AGAP1: variants seen among roughly 807,000 people sequenced by gnomAD.
AGAP1 encodes the protein arf-GAP with GTPase, ANK repeat and PH domain-containing protein 1.
In AGAP1, 29 loss-of-function variants were observed where a neutral mutation model predicts 105.3. That is an observed-to-expected ratio of 0.28 (90% confidence interval 0.21 to 0.38). The LOEUF is 0.38. Among genes scored for constraint, AGAP1 ranks in the 10% least tolerant of loss-of-function variants. The pLI is 1.00. For missense variants in AGAP1, 998 were observed against 1,165.1 expected (o/e 0.86, Z 2.09); for synonymous variants, 509 against 485.9 (o/e 1.05, Z -0.63).
intron 12 of AGAP1, among the ~76,000 whole-genome samples, chr2:235,943,013 C>A (rs1413866420): frequency 6.6e-6 from 1 of 152,138 alleles, no homozygotes; most frequent in Non-Finnish European, 1.5e-5. Flanking sequence ...GAAGATTTGT[C>A]AAATATATGT....
rs375110513 is a variant in AGAP1, at chr2:235,867,572, T to TGTGTGTGTGTGTGTGC, written c.1051-15770_1051-15769insTGTGTGTGTGTGCGTG. ...GTGTGTGTGTGTGTGTGTGTGTGTG[T>TGTGTGTGTGTGTGTGC]GTGCAAGTGAGGGAGGGTGACCCCC... On this transcript the variant is annotated intron_variant, in intron 9 of 17. Transcript: ENST00000304032. This position sits in a 1 kb window ranked among gnomAD's most constrained non-coding sequence, Gnocchi z 5.4. 8.4e-3 allele frequency among the ~76,000 whole-genome samples: 1,254 copies of TGTGTGTGTGTGTGTGC among 148,414 alleles called. 26 individuals carry two copies. Among genetic ancestry groups the TGTGTGTGTGTGTGTGC allele is most frequent in the Admixed American group, 0.022 (321 of 14,676 alleles).
rs2054162212 is a variant in AGAP1 at position 235,961,010 on chromosome 2, G to T, written c.1484-7452G>T. 6.6e-6 allele frequency among the ~76,000 whole-genome samples: 1 copy of T among 152,224 alleles called. No individual in the cohort carries two copies. Among genetic ancestry groups the T allele is most frequent in the Non-Finnish European group, 1.5e-5 (1 of 68,040 alleles). On this transcript the variant is annotated intron_variant, in intron 12 of 17. Coordinates refer to ENST00000304032, the MANE Select transcript of AGAP1 (RefSeq NM_001037131.3). This position sits in a 1 kb window ranked among gnomAD's most constrained non-coding sequence, Gnocchi z 5.9. ...GCAAGTGTCTGTCACACAGAGGTTAGTTCTTTCATAAAACTTTATTACGTA... is the reference window on the plus strand; with the variant it reads ...GCAAGTGTCTGTCACACAGAGGTTATTTCTTTCATAAAACTTTATTACGTA...
intron 13 of AGAP1, among the ~76,000 whole-genome samples, chr2:236,019,818 T>C (rs1450318242): frequency 6.6e-6 from 1 of 152,226 alleles, no homozygotes; most frequent in Non-Finnish European, 1.5e-5. Flanking sequence ...TGTGACCCAT[T>C]GTGTTGTGTG....
intron 10 of AGAP1, among the ~76,000 whole-genome samples, chr2:235,885,161 C>T (rs957344899): frequency 3.3e-5 from 5 of 152,162 alleles, no homozygotes; most frequent in Admixed American, 2.0e-4. Context: ...TGCATACTCC[C>T]GGCTATTTCT....
rs1017078319 is a variant in AGAP1 at position 235,852,906 on chromosome 2, C to T, written c.1051-30439C>T. 1.6e-5 allele frequency: 21 copies of T among 1,324,098 alleles called. No homozygotes were observed. In the South Asian group the frequency reaches 4.6e-4, roughly 29 times the overall value. The allele number at this position is 1,324,098 out of a possible 1,614,324, so 82.0% of individuals were successfully genotyped here. A position where few individuals can be genotyped will look rare whatever the true frequency, so the allele number is the denominator to read the frequency against. ...CCAGATCGGCCGATAGCTTGCAGGCCGCTGCTGTTTGTCCTGACTTCAGCG... is the reference window on the plus strand; with the variant it reads ...CCAGATCGGCCGATAGCTTGCAGGCTGCTGCTGTTTGTCCTGACTTCAGCG... On this transcript the variant is annotated intron_variant, in intron 9 of 17. Transcript: ENST00000304032.
chr2:235,937,748 G>A (rs1397832033), intron 12 of AGAP1, among the ~76,000 whole-genome samples: 2 of 152,162 alleles, frequency 1.3e-5, no homozygotes, highest in African/African-American at 4.8e-5. Flanking sequence ...GGCATTTTTG[G>A]TTGTCACATA....
intron 1 of AGAP1, among the ~76,000 whole-genome samples, chr2:235,575,059 G>A (rs1161914538): frequency 6.6e-6 from 1 of 152,080 alleles, no homozygotes; most frequent in Non-Finnish European, 1.5e-5. Context: ...GGAAGTTGAG[G>A]GTGCAGTGAG....
rs71039711 is a variant in AGAP1, at chr2:236,105,550, CTTTT to C, written c.2115-14622_2115-14619del. Among the ~76,000 whole-genome samples the C allele has an allele frequency of 1.7e-4, 14 of 81,316 alleles. No homozygotes were observed. Among genetic ancestry groups the C allele is most frequent in the Admixed American group, 1.5e-3 (12 of 8,138 alleles). 53.3% of individuals were successfully genotyped at this position (81,316 alleles called of 152,430 possible). A position where few individuals can be genotyped will look rare whatever the true frequency, so the allele number is the denominator to read the frequency against. On this transcript the variant is annotated intron_variant, in intron 16 of 17. Coordinates refer to ENST00000304032, the MANE Select transcript of AGAP1 (RefSeq NM_001037131.3). This position sits in a 1 kb window ranked among gnomAD's most constrained non-coding sequence, Gnocchi z 4.2. ...GAGAGGAGAGGGGCATCTCTCGTGT[CTTTT>C]TTTTTTTTTTTTTTTTTTTGAGACA...
At chr2:235,500,793 C>T (rs1195894860) in intron 1 of AGAP1, among the ~76,000 whole-genome samples, 1 of 152,120 alleles carries the variant, frequency 6.6e-6, no homozygotes, top group Non-Finnish European at 1.5e-5. Context: ...GCACCGGGTT[C>T]AAGAGACTGG....
At chr2:236,024,417 C>T (rs1265419991) in intron 13 of AGAP1, among the ~76,000 whole-genome samples, 1 of 152,102 alleles carries the variant, frequency 6.6e-6, no homozygotes. Context: ...GAGCACAGTG[C>T]AGTTGTCCTT....
chr2:235,978,252 T>C (rs2054941455), intron 13 of AGAP1, among the ~76,000 whole-genome samples: 1 of 152,162 alleles, frequency 6.6e-6, no homozygotes, highest in East Asian at 1.9e-4. Context: ...TACTTTCTAT[T>C]CCTGGCTGTG....
Position 236,009,904 on chromosome 2 carries a change from G to A in AGAP1, c.1646-26657G>A, listed in dbSNP as rs963685366. On this transcript the variant is annotated intron_variant, in intron 13 of 17. Coordinates refer to ENST00000304032, the MANE Select transcript of AGAP1 (RefSeq NM_001037131.3). This position sits in a 1 kb window ranked among gnomAD's most constrained non-coding sequence, Gnocchi z 4.2. ...TGATCAACAAAGAGTGTTGTCAGGA[G>A]GAGACCAGAGGTGACATTAATAAGC... Among the ~76,000 whole-genome samples, 1 of 152,122 alleles carries A rather than the reference G, an allele frequency of 6.6e-6. No individual in the cohort carries two copies. The highest frequency in any genetic ancestry group is 1.5e-5 in the Non-Finnish European group (1 of 68,024).
rs1372354688 is a variant in AGAP1, at chr2:235,973,414, A to G, written c.1645+4791A>G. Reference sequence around the variant, plus strand: ...GATTACCAGGAGATGTGTGGATGACAGAGCCCGTCGCTAGGCTCTTATGTC... The same window carrying G: ...GATTACCAGGAGATGTGTGGATGACGGAGCCCGTCGCTAGGCTCTTATGTC... On this transcript the variant is annotated intron_variant, in intron 13 of 17. Coordinates refer to ENST00000304032, the MANE Select transcript of AGAP1 (RefSeq NM_001037131.3). The surrounding 1 kb of genome is among the most constrained non-coding windows in gnomAD (Gnocchi z 4.7). Among the ~76,000 whole-genome samples the G allele has an allele frequency of 2.0e-5, 3 of 152,214 alleles. No individual in the cohort carries two copies. The highest frequency in any genetic ancestry group is 2.9e-5 in the Non-Finnish European group (2 of 68,036).
At chr2:235,873,269 A>G (rs965538317) in intron 9 of AGAP1, among the ~76,000 whole-genome samples, 2 of 152,250 alleles carry the variant, frequency 1.3e-5, no homozygotes, top group Non-Finnish European at 2.9e-5. Context: ...CAAGAAAGAA[A>G]AAGCATGTTT....
Position 235,495,097 on chromosome 2 carries a change from C to T in AGAP1, c.163+248C>T, listed in dbSNP as rs878946701. Among the ~76,000 whole-genome samples the T allele has an allele frequency of 4.6e-5, 7 of 152,290 alleles. No homozygotes were observed. The East Asian group carries it at 5.9e-4, about 13-fold the overall frequency. Reference sequence around the variant, plus strand: ...TTTGATCGTGGACAATAGAGTCTCTCCTGCGGGAAAGTGGCTCGGTGCCTC... The same window carrying T: ...TTTGATCGTGGACAATAGAGTCTCTTCTGCGGGAAAGTGGCTCGGTGCCTC... On this transcript the variant is annotated intron_variant, in intron 1 of 17. Transcript: ENST00000304032.
chr2:235,985,126 C>A (rs770122507), intron 13 of AGAP1, among the ~76,000 whole-genome samples: 1 of 152,174 alleles, frequency 6.6e-6, no homozygotes, highest in African/African-American at 2.4e-5. Flanking sequence ...TGTTTCCTGA[C>A]TTTTTAATAA....
chr2:235,926,596 G>T (rs927194336), intron 11 of AGAP1, among the ~76,000 whole-genome samples: 2 of 152,156 alleles, frequency 1.3e-5, no homozygotes, highest in Non-Finnish European at 2.9e-5. Flanking sequence ...AAATACTTTT[G>T]TTTTCTTTTG....
At chr2:235,762,333 A>G (rs952408213) in intron 6 of AGAP1, among the ~76,000 whole-genome samples, 4 of 152,040 alleles carry the variant, frequency 2.6e-5, no homozygotes, top group Admixed American at 2.0e-4. Flanking sequence ...TATTTTTTGC[A>G]TAGTCCTTGT....
At chr2:235,565,947 GTT>G (rs1214313576) in intron 1 of AGAP1, among the ~76,000 whole-genome samples, 13 of 152,078 alleles carry the variant, frequency 8.5e-5, no homozygotes, top group Non-Finnish European at 1.6e-4. Context: ...CTAAACTATT[GTT>G]TTACAACATT....
Sources: allele counts gnomAD v4.1 joint callset (sites outside exome capture counted in the v4.1 genomes callset), GRCh38; gene constraint gnomAD v4.1.1; non-coding constraint Gnocchi (gnomAD v3.1); transcripts MANE v1.5; gene names NCBI Gene and HGNC (gene_info 2026-07-23, HGNC 2026-07-21).